CAMTA1: variants seen among roughly 807,000 people sequenced by gnomAD.
The protein encoded by CAMTA1 is calmodulin-binding transcription activator 1.
CAMTA1 carries 27 observed loss-of-function variants against 170.9 expected under a neutral mutation model. The observed-to-expected ratio is 0.16, with a 90% CI of 0.12 to 0.22. The LOEUF is 0.22. Ranked by LOEUF, CAMTA1 falls within the 10% of genes least tolerant of loss-of-function variation. CAMTA1 has a pLI of 1.00. For synonymous variants in CAMTA1, 833 were observed against 891.5 expected, an observed-to-expected ratio of 0.93 and a Z score of 1.17; for missense variants, 1,619 against 2,217.2, an observed-to-expected ratio of 0.73 and a Z score of 5.42.
At chr1:6,854,439 C>G (rs967367900) in intron 3 of CAMTA1, among the ~76,000 whole-genome samples, 6 of 152,044 alleles carry the variant, frequency 3.9e-5, no homozygotes, top group Admixed American at 1.3e-4. Flanking sequence ...GTCATCTTTG[C>G]ACAATGATGA....
chr1:7,052,494 G>C (rs1188662223), intron 3 of CAMTA1, among the ~76,000 whole-genome samples: 1 of 152,094 alleles, frequency 6.6e-6, no homozygotes, highest in Admixed American at 6.6e-5. Context: ...CCAGAATCCA[G>C]GGACCCTCGG....
chr1:7,484,014 C>T (rs2093580290), intron 6 of CAMTA1, among the ~76,000 whole-genome samples: 2 of 152,204 alleles, frequency 1.3e-5, no homozygotes, highest in Non-Finnish European at 1.5e-5. Context: ...CACTTACTAC[C>T]CTCGTAGGTA....
chr1:7,114,006 ACTGCTGTAACCCACGAGC>A (rs1217741807), intron 4 of CAMTA1, among the ~76,000 whole-genome samples: 1 of 152,082 alleles, frequency 6.6e-6, no homozygotes, highest in Non-Finnish European at 1.5e-5. Context: ...CCCTCCCACC[ACTGCTGTAACCCACGAGC>A]CTGCTGCACG....
At position 7,183,010 on chromosome 1, in the gene CAMTA1, G is replaced by A. The variant is rs910913001; in HGVS notation, c.303-66481G>A. Among the ~76,000 whole-genome samples, 7 of 152,212 alleles carry A rather than the reference G, an allele frequency of 4.6e-5. No individual in the cohort carries two copies. In the South Asian group the frequency reaches 8.3e-4, roughly 18 times the overall value. ...CAAGGGAAGTGTGGCGATTGTACTC[G>A]TCTGTTTTGCATTGCTATAAAGGAA... On this transcript the variant is annotated intron_variant, in intron 4 of 22. Coordinates refer to ENST00000303635, the MANE Select transcript of CAMTA1 (RefSeq NM_015215.4).
intron 5 of CAMTA1, among the ~76,000 whole-genome samples, chr1:7,296,878 T>G (rs1314755848): frequency 1.3e-5 from 2 of 150,542 alleles, no homozygotes; most frequent in Non-Finnish European, 3.0e-5. Context: ...CCTAAAACAT[T>G]TAGCTGCCTG....
intron 3 of CAMTA1, among the ~76,000 whole-genome samples, chr1:6,841,427 C>T (rs945917833): frequency 2.0e-5 from 3 of 152,082 alleles, no homozygotes; most frequent in African/African-American, 7.2e-5. Context: ...AAAATGAGGA[C>T]GGAGAAGTCA....
intron 11 of CAMTA1, among the ~76,000 whole-genome samples, chr1:7,727,688 T>C (rs2149852476): frequency 6.6e-6 from 1 of 152,390 alleles, no homozygotes; most frequent in South Asian, 2.1e-4. Context: ...AGCATACAGT[T>C]AAAGCAATGC....
At chr1:7,462,737 G>A (rs980392661) in intron 5 of CAMTA1, among the ~76,000 whole-genome samples, 30 of 152,260 alleles carry the variant, frequency 2.0e-4, no homozygotes, top group African/African-American at 7.2e-4. Flanking sequence ...CTCCTCCCCT[G>A]CCCTGGCAGG....
intron 6 of CAMTA1, among the ~76,000 whole-genome samples, chr1:7,472,406 C>T (rs1345209676): frequency 1.3e-5 from 2 of 152,140 alleles, no homozygotes; most frequent in Non-Finnish European, 2.9e-5. Flanking sequence ...TGCCACTGGA[C>T]ACCTCTGGTG....
rs1360388070 is a variant in CAMTA1, at chr1:7,379,195, C to A, written c.439-88635C>A. Among the ~76,000 whole-genome samples, 5 of 152,214 alleles carry A rather than the reference C, an allele frequency of 3.3e-5. No homozygotes were observed. The East Asian group carries it at 9.6e-4, about 29-fold the overall frequency. On this transcript the variant is annotated intron_variant, in intron 5 of 22. Coordinates refer to ENST00000303635, the MANE Select transcript of CAMTA1 (RefSeq NM_015215.4). ...TGTCAATATACTAAGATCTACCTCT[C>A]AGTATTACAATTTATACACAATGCT...
At chr1:7,543,193 A>G (rs903829240) in intron 6 of CAMTA1, among the ~76,000 whole-genome samples, 3 of 152,242 alleles carry the variant, frequency 2.0e-5, no homozygotes, top group Non-Finnish European at 4.4e-5. Flanking sequence ...ATGGCTGCGT[A>G]ATATCCCATC....
At chr1:7,707,423 T>G (rs1369958948) in intron 11 of CAMTA1, among the ~76,000 whole-genome samples, 1 of 152,174 alleles carries the variant, frequency 6.6e-6, no homozygotes, top group Admixed American at 6.5e-5. Context: ...TCTCCCAGGC[T>G]GGAGTGCAGT....
Position 7,567,216 on chromosome 1 carries a change from G to A in CAMTA1, c.511-73184G>A, listed in dbSNP as rs183281768. Among the ~76,000 whole-genome samples the A allele has an allele frequency of 6.7e-3, 1,013 of 152,330 alleles. 16 individuals are homozygous for A. Among genetic ancestry groups the A allele is most frequent in the Admixed American group, 0.033 (512 of 15,308 alleles). On this transcript the variant is annotated intron_variant, in intron 6 of 22. Coordinates refer to ENST00000303635, the MANE Select transcript of CAMTA1 (RefSeq NM_015215.4). ...AGTAGAAGGGGCCCATGGTGGCAGCGGAGGAAGGCCACTCACCATGGAAGC... is the reference window on the plus strand; with the variant it reads ...AGTAGAAGGGGCCCATGGTGGCAGCAGAGGAAGGCCACTCACCATGGAAGC...
At chr1:6,910,517 G>C (rs903983394) in intron 3 of CAMTA1, among the ~76,000 whole-genome samples, 1 of 152,182 alleles carries the variant, frequency 6.6e-6, no homozygotes, top group Non-Finnish European at 1.5e-5. Flanking sequence ...GGAGCAGGGT[G>C]GGGAGGGAAA....
intron 11 of CAMTA1, among the ~76,000 whole-genome samples, chr1:7,722,894 C>A (rs2149798790): frequency 6.6e-6 from 1 of 152,054 alleles, no homozygotes; most frequent in East Asian, 1.9e-4. Flanking sequence ...CAGGACCAGT[C>A]TGGGCAACAT....
intron 5 of CAMTA1, among the ~76,000 whole-genome samples, chr1:7,307,463 C>A (rs532790624): frequency 9.9e-5 from 15 of 151,834 alleles, no homozygotes; most frequent in Non-Finnish European, 1.6e-4. Context: ...ATTGCACTGG[C>A]TAGGGTTTCC....
intron 11 of CAMTA1, among the ~76,000 whole-genome samples, chr1:7,724,818 CAAAAA>C (rs960235639): frequency 2.3e-5 from 2 of 85,330 alleles, no homozygotes; most frequent in Non-Finnish European, 2.3e-5. Flanking sequence ...GCGAGACTCT[CAAAAA>C]AAAAAAAAAA....
chr1:7,271,763 A>C, intron 5 of CAMTA1, among the ~76,000 whole-genome samples: 1 of 152,182 alleles, frequency 6.6e-6, no homozygotes, highest in East Asian at 1.9e-4. Flanking sequence ...CCAGGTGACT[A>C]AAATCAGGAA....
intron 2 of CAMTA1, among the ~76,000 whole-genome samples, chr1:6,823,266 G>A (rs1646725987): frequency 6.6e-6 from 1 of 152,072 alleles, no homozygotes; most frequent in Non-Finnish European, 1.5e-5. Flanking sequence ...ACCTCCCTCG[G>A]GAGGATGAAG....
Sources: gnomAD v4.1 joint callset for allele counts (sites outside exome capture counted in the v4.1 genomes callset) on GRCh38, gnomAD v4.1.1 for gene constraint, MANE v1.5 for transcripts, NCBI Gene and HGNC (gene_info 2026-07-23, HGNC 2026-07-21) for gene names.